ZC3H12B: variants seen among roughly 807,000 people sequenced by gnomAD.
ZC3H12B encodes the protein zinc finger CCCH-type containing 12B, also known as probable ribonuclease ZC3H12B.
In ZC3H12B, 7 loss-of-function variants were observed where a neutral mutation model predicts 43.9. The observed-to-expected ratio is 0.16, with a 90% CI of 0.09 to 0.30. ZC3H12B has a LOEUF of 0.30. Among genes scored for constraint, ZC3H12B ranks in the 10% least tolerant of loss-of-function variants. The pLI, the probability that ZC3H12B is intolerant of heterozygous loss-of-function variation, is 1.00. For missense variants in ZC3H12B, 475 were observed against 670.2 expected (o/e 0.71, Z 3.22); for synonymous variants, 222 against 241.7 (o/e 0.92, Z 0.76).
chrX:65,177,881 A>G, the ZC3H12B span, among the ~76,000 whole-genome samples: 3 of 112,272 alleles, frequency 2.7e-5, no homozygotes, highest in East Asian at 8.4e-4. Context: ...TGCTGTCCCC[A>G]TCAAACAACC....
upstream of ZC3H12B, among the ~76,000 whole-genome samples, chrX:65,365,814 C>T: frequency 9.2e-6 from 1 of 109,233 alleles, no homozygotes; most frequent in East Asian, 2.9e-4. Context: ...CCTTGTGACC[C>T]CCACCCCTGT....
the ZC3H12B span, among the ~76,000 whole-genome samples, chrX:65,182,450 A>G: frequency 1.8e-5 from 2 of 111,090 alleles, no homozygotes; most frequent in African/African-American, 6.5e-5. Context: ...ATAAAAATAA[A>G]ATGGCGGTGC....
At chrX:65,186,817 G>C in the ZC3H12B span, among the ~76,000 whole-genome samples, 1 of 111,609 alleles carries the variant, frequency 9.0e-6, no homozygotes, top group Non-Finnish European at 1.9e-5. Flanking sequence ...GCTTCACTTG[G>C]AATAATAGTC....
At chrX:65,380,213 T>A (rs1446395437) in intron 2 of ZC3H12B, among the ~76,000 whole-genome samples, 1 of 111,590 alleles carries the variant, frequency 9.0e-6, no homozygotes, top group Non-Finnish European at 1.9e-5. Context: ...GAGAGAAAGG[T>A]AGGGTTATCC....
chrX:65,465,290 G>C (rs1325656895), intron 3 of ZC3H12B, among the ~76,000 whole-genome samples: 2 of 111,243 alleles, frequency 1.8e-5, no homozygotes, highest in Non-Finnish European at 3.8e-5. Flanking sequence ...GTGTTACTAG[G>C]TACATATATA....
the ZC3H12B span, among the ~76,000 whole-genome samples, chrX:65,041,301 T>C: frequency 8.9e-6 from 1 of 111,807 alleles, no homozygotes. Flanking sequence ...ATATATATAG[T>C]AGTCGTGCTA....
the ZC3H12B span, among the ~76,000 whole-genome samples, chrX:65,164,334 G>C: frequency 9.0e-6 from 1 of 111,192 alleles, no homozygotes; most frequent in Non-Finnish European, 1.9e-5. Flanking sequence ...TGGTTAATGG[G>C]CTGGGTGGTA....
At chrX:65,294,436 A>G in the ZC3H12B span, among the ~76,000 whole-genome samples, 1 of 111,625 alleles carries the variant, frequency 9.0e-6, no homozygotes, top group Admixed American at 9.6e-5. Flanking sequence ...CTGTAAAACA[A>G]TAACATAATG....
chrX:65,389,704 T>C (rs1000705480), intron 2 of ZC3H12B, among the ~76,000 whole-genome samples: 1 of 112,377 alleles, frequency 8.9e-6, no homozygotes, highest in East Asian at 2.8e-4. Flanking sequence ...AATGCAGAAA[T>C]CACCCGTCTT....
chrX:65,362,851 TATC>T (rs771982288), upstream of ZC3H12B, among the ~76,000 whole-genome samples: 2 of 111,351 alleles, frequency 1.8e-5, no homozygotes, highest in Non-Finnish European at 3.8e-5. Context: ...ATCTGCACCT[TATC>T]AACCAAATTG....
the ZC3H12B span, among the ~76,000 whole-genome samples, chrX:65,091,326 A>T: frequency 5.4e-5 from 6 of 112,063 alleles, no homozygotes; most frequent in Non-Finnish European, 1.1e-4. Flanking sequence ...ATTTGGAAAG[A>T]GTGTGGCCCT....
chrX:65,119,610 G>C, the ZC3H12B span, among the ~76,000 whole-genome samples: 3 of 111,741 alleles, frequency 2.7e-5, no homozygotes, highest in South Asian at 7.5e-4. Context: ...TGCTCACCCT[G>C]ATGATAGTTT....
At chrX:65,187,978 T>C in the ZC3H12B span, among the ~76,000 whole-genome samples, 14 of 111,430 alleles carry the variant, frequency 1.3e-4, no homozygotes, top group East Asian at 3.9e-3. Flanking sequence ...CAGCCTTTGG[T>C]AACCATCATT....
intron 3 of ZC3H12B, among the ~76,000 whole-genome samples, chrX:65,482,149 A>C (rs1400810675): frequency 8.9e-6 from 1 of 112,159 alleles, no homozygotes; most frequent in Non-Finnish European, 1.9e-5. Flanking sequence ...TGAGATGCTC[A>C]AGATATATTT....
chrX:65,416,147 T>A (rs1172399713), intron 3 of ZC3H12B, among the ~76,000 whole-genome samples: 1 of 111,937 alleles, frequency 8.9e-6, no homozygotes, highest in African/African-American at 3.2e-5. Context: ...TAAGATACGA[T>A]CTTAGCCCCC....
chrX:65,328,494 C>T, the ZC3H12B span: 1 of 243,574 alleles, frequency 4.1e-6, no homozygotes, highest in Non-Finnish European at 8.1e-6. Context: ...TTATCTTCAA[C>T]TCTGTTCATA....
the ZC3H12B span, among the ~76,000 whole-genome samples, chrX:65,058,949 A>G: frequency 1.8e-5 from 2 of 111,726 alleles, no homozygotes; most frequent in Non-Finnish European, 3.8e-5. Flanking sequence ...GGTTGGAGTG[A>G]CCCGATTTTC....
the ZC3H12B span, among the ~76,000 whole-genome samples, chrX:65,129,653 G>A: frequency 9.0e-6 from 1 of 111,299 alleles, no homozygotes; most frequent in Non-Finnish European, 1.9e-5. Flanking sequence ...AGGTCACAGA[G>A]TATATGATGG....
the ZC3H12B span, among the ~76,000 whole-genome samples, chrX:65,189,981 G>T: frequency 9.1e-6 from 1 of 110,209 alleles, no homozygotes; most frequent in Non-Finnish European, 1.9e-5. Context: ...TGTATAAGGT[G>T]TAAGGAAGGG....
Sources: gnomAD v4.1 joint callset for allele counts (sites outside exome capture counted in the v4.1 genomes callset) on GRCh38, gnomAD v4.1.1 for gene constraint, MANE v1.5 for transcripts, NCBI Gene and HGNC (gene_info 2026-07-23, HGNC 2026-07-21) for gene names.